Variants in SPINK5 observed in about 807,000 individuals in gnomAD.
The protein encoded by SPINK5 is serine peptidase inhibitor Kazal type 5, also known as serine protease inhibitor Kazal-type 5.
SPINK5 carries 125 observed loss-of-function variants against 151.8 expected under a neutral mutation model. The ratio of observed to expected loss-of-function variants is 0.82; its 90% CI spans 0.71 to 0.96. The LOEUF is 0.96. Ranked by LOEUF, SPINK5 falls within the 40% of genes least tolerant of loss-of-function variation. SPINK5 has a pLI of 0.00. For missense variants in SPINK5, 1,194 were observed against 1,291.9 expected, an observed-to-expected ratio of 0.92 and a Z score of 1.16; for synonymous variants, 374 against 395.3, an observed-to-expected ratio of 0.95 and a Z score of 0.64.
At chr5:148,080,828 A>G (rs1314923062) in intron 4 of SPINK5, among the ~76,000 whole-genome samples, 1 of 151,558 alleles carries the variant, frequency 6.6e-6, no homozygotes, top group Non-Finnish European at 1.5e-5. Flanking sequence ...GTGTGCTTCA[A>G]ATGACAACAA....
At chr5:148,094,786 G>A (rs1753412170) in intron 9 of SPINK5, among the ~76,000 whole-genome samples, 1 of 151,960 alleles carries the variant, frequency 6.6e-6, no homozygotes, top group African/African-American at 2.4e-5. Flanking sequence ...AGTATAGAAT[G>A]GGGGTAAAAG....
chr5:148,101,527 A>T, intron 14 of SPINK5, 91 bp downstream of exon 14: 1 of 1,143,896 alleles, frequency 8.7e-7, no homozygotes, highest in South Asian at 1.3e-5. Flanking sequence ...TTAAAACTGT[A>T]TGAAACAATT....
At chr5:148,129,516 A>G (rs991155930) in intron 30 of SPINK5, among the ~76,000 whole-genome samples, 7 of 30,924 alleles carry the variant, frequency 2.3e-4, no homozygotes, top group Non-Finnish European at 5.3e-4. Context: ...TAAAAAAATG[A>G]AGAGAGAGAG....
intron 30 of SPINK5, among the ~76,000 whole-genome samples, chr5:148,130,395 A>C (rs1362787302): frequency 6.6e-6 from 1 of 151,894 alleles, no homozygotes. Context: ...CTGTCTTTTA[A>C]CTGGAGTACT....
At chr5:148,102,069 A>C (rs1312593908) in intron 15 of SPINK5, among the ~76,000 whole-genome samples, 161 bp downstream of exon 15, 1 of 152,182 alleles carries the variant, frequency 6.6e-6, no homozygotes, top group Admixed American at 6.6e-5. Flanking sequence ...AGCAACAATA[A>C]AACAAGTGGA....
In SPINK5 at chr5:148,111,823, G is replaced by T. The variant is rs1266431975; in HGVS notation, c.1748G>T (p.Arg583Ile). 1 of 1,614,066 alleles carries T rather than the reference G, an allele frequency of 6.2e-7. No individual in the cohort carries two copies. Among genetic ancestry groups the T allele is most frequent in the Non-Finnish European group, 8.5e-7 (1 of 1,179,964 alleles). The change falls in exon 19 of 33, where the codon AGA becomes ATA. Residue 583 changes from arginine to isoleucine, a missense_variant. Physicochemically the swap from Arg to Ile is moderately conservative, Grantham distance 97. Coordinates refer to ENST00000256084, the MANE Select transcript of SPINK5 (RefSeq NM_006846.4). ...YVRNGRLPCT[R>I]ENDPIEGLDG... ...AGGAATGGACGACTCCCCTGTACCA[G>T]AGAGAATGATCCTATTGAGGGTCTA...
In SPINK5 at chr5:148,064,003, A is replaced by G. The variant is rs774023341; in HGVS notation, c.-42A>G. 14 of 1,611,414 alleles carry G rather than the reference A, an allele frequency of 8.7e-6. No homozygotes were observed. In the Admixed American group the frequency reaches 2.3e-4, roughly 27 times the overall value. On this transcript the variant is annotated 5_prime_UTR_variant, in exon 1 of 33. It removes an upstream start codon present in the reference 5' UTR. Transcript: ENST00000256084. Reference sequence around the variant, plus strand: ...TCAGTCATACTGCACCAGCTGAGCAATGCATGGAGTGGACCTGTAGGCGAC... The same window carrying G: ...TCAGTCATACTGCACCAGCTGAGCAGTGCATGGAGTGGACCTGTAGGCGAC...
At chr5:148,081,167 G>A (rs527847431) in intron 4 of SPINK5, among the ~76,000 whole-genome samples, 3 of 151,620 alleles carry the variant, frequency 2.0e-5, no homozygotes, top group African/African-American at 4.8e-5. Context: ...TAGTCAGATC[G>A]GGGTAATATA....
chr5:148,099,689 G>A (rs1418811499), intron 12 of SPINK5, among the ~76,000 whole-genome samples: 7 of 151,884 alleles, frequency 4.6e-5, no homozygotes, highest in African/African-American at 1.2e-4. Flanking sequence ...CCCCACCAAC[G>A]CATGATTTTT....
chr5:148,101,681 G>A lies in SPINK5; in HGVS notation c.1303-100G>A, dbSNP rs73271122. ...TTAATCATTCTAAAATAAGCCAATT[G>A]CTAATCCTCGTTTAAGAAAAAAAGT... On this transcript the variant is annotated intron_variant, in intron 14 of 32. Coordinates refer to ENST00000256084, the MANE Select transcript of SPINK5 (RefSeq NM_006846.4). 2.6e-3 allele frequency: 4,142 copies of A among 1,564,978 alleles called. 106 individuals carry two copies. In the African/African-American group the frequency reaches 0.05, roughly 19 times the overall value.
At chr5:148,111,521 G>T (rs973008750) in intron 18 of SPINK5, among the ~76,000 whole-genome samples, 2 of 152,114 alleles carry the variant, frequency 1.3e-5, no homozygotes, top group African/African-American at 4.8e-5. Flanking sequence ...TTTCTTCTCT[G>T]TATCTTTCAC....
At chr5:148,099,363 C>T (rs1376901006) in intron 12 of SPINK5, 48 bp downstream of exon 12, 19 of 1,560,114 alleles carry the variant, frequency 1.2e-5, no homozygotes, top group East Asian at 2.3e-5. Flanking sequence ...ATAATTTGAA[C>T]AAATTTTAAG....
intron 11 of SPINK5, 32 bp downstream of exon 11, chr5:148,098,026 GA>G: frequency 6.2e-7 from 1 of 1,600,630 alleles, no homozygotes; most frequent in Non-Finnish European, 8.5e-7. Context: ...GTCAAAGAAA[GA>G]AGGGATCTTG....
intron 3 of SPINK5, among the ~76,000 whole-genome samples, chr5:148,070,926 G>A (rs147109118): frequency 2.6e-5 from 4 of 152,182 alleles, no homozygotes; most frequent in Middle Eastern, 3.4e-3. Flanking sequence ...TGAGCTGCCA[G>A]TGTCTTTAGA....
At chr5:148,113,463 T>C (rs966659292) in intron 20 of SPINK5, among the ~76,000 whole-genome samples, 1 of 152,198 alleles carries the variant, frequency 6.6e-6, no homozygotes, top group Admixed American at 6.5e-5. Flanking sequence ...ACTATTTGTT[T>C]TTGGATTACC....
Position 148,111,975 on chromosome 5 carries a change from G to A in SPINK5, c.1820+80G>A, listed in dbSNP as rs903157744. ...GTGGGCAAGAGGGGTGACATTGGAA[G>A]TTTTCTCCAGGAGATAGATAATAAA... On this transcript the variant is annotated intron_variant, in intron 19 of 32. Coordinates refer to ENST00000256084, the MANE Select transcript of SPINK5 (RefSeq NM_006846.4). 7.4e-5 allele frequency: 119 copies of A among 1,604,178 alleles called. No homozygotes were observed. In the African/African-American group the frequency reaches 1.5e-3, roughly 20 times the overall value.
intron 16 of SPINK5, 51 bp downstream of exon 16, chr5:148,105,051 TA>T: frequency 6.4e-7 from 1 of 1,557,928 alleles, no homozygotes; most frequent in African/African-American, 1.4e-5. Flanking sequence ...TTCATTTCTT[TA>T]TAATTCTTTA....
At position 148,086,254 on chromosome 5, in the gene SPINK5, C is replaced by T. The variant is rs1043318725; in HGVS notation, c.283-151C>T. ...TGTTCTTGGATCATGTTTTATTGCC[C>T]ATAAATTTATTAGCTCAATGTAGCC... On this transcript the variant is annotated intron_variant, in intron 4 of 32. Coordinates refer to ENST00000256084, the MANE Select transcript of SPINK5 (RefSeq NM_006846.4). 9.0e-6 allele frequency: 8 copies of T among 890,884 alleles called. No individual in the cohort carries two copies. The Admixed American group carries it at 2.0e-4, about 22-fold the overall frequency. The allele number at this position is 890,884 out of a possible 1,614,324, so 55.2% of individuals were successfully genotyped here.
chr5:148,082,856 G>A lies in SPINK5; in HGVS notation c.283-3549G>A, dbSNP rs1403615021. Among the ~76,000 whole-genome samples the A allele has an allele frequency of 3.0e-5, 4 of 131,288 alleles. 2 individuals are homozygous for A. The highest frequency in any genetic ancestry group is 1.6e-4 in the Admixed American group (2 of 12,648). 86.1% of individuals were successfully genotyped at this position (131,288 alleles called of 152,430 possible). A position where few individuals can be genotyped will look rare whatever the true frequency, so the allele number is the denominator to read the frequency against. On this transcript the variant is annotated intron_variant, in intron 4 of 32. Transcript: ENST00000256084. ...GATCTCCTGACCTCGTGATCCGCCC[G>A]CCTCGGCCTCCCAAAGTGCTGGGAT...
Sources: gnomAD v4.1 joint callset for allele counts (sites outside exome capture counted in the v4.1 genomes callset) on GRCh38, gnomAD v4.1.1 for gene constraint, MANE v1.5 for transcripts, NCBI Gene and HGNC (gene_info 2026-07-23, HGNC 2026-07-21) for gene names.